Variants in IFT74 observed in about 807,000 individuals in gnomAD.
IFT74 encodes intraflagellar transport protein 74 homolog.
In IFT74, 92 loss-of-function variants were observed where a neutral mutation model predicts 96.7. The observed-to-expected ratio is 0.95, with a 90% CI of 0.80 to 1.13. The LOEUF is 1.13. IFT74 is among the 50% of genes most tolerant of loss of function. The pLI is 0.00. For synonymous variants in IFT74, 223 were observed against 213.2 expected, an observed-to-expected ratio of 1.05 and a Z score of -0.40; for missense variants, 811 against 698.2, an observed-to-expected ratio of 1.16 and a Z score of -1.82.
chr9:27,012,080 T>C, intron 10 of IFT74, 112 bp downstream of exon 10: 3 of 602,158 alleles, frequency 5.0e-6, no homozygotes, highest in Non-Finnish European at 8.2e-6. Flanking sequence ...AGCTTACTAA[T>C]AGGAGTTTAA....
intron 12 of IFT74, among the ~76,000 whole-genome samples, chr9:27,024,974 T>TAA (rs753094409): frequency 0.038 from 4,963 of 130,796 alleles, 108 homozygotes; most frequent in Middle Eastern, 0.064. Context: ...AAAAAAGAAT[T>TAA]AAAAAAAAAA....
intron 16 of IFT74, among the ~76,000 whole-genome samples, chr9:27,053,246 T>C: frequency 1.5e-5 from 2 of 134,084 alleles, no homozygotes; most frequent in African/African-American, 2.8e-5. Flanking sequence ...ATAATGGCCC[T>C]CCAGAGGTCA....
chr9:27,035,755 AATT>A (rs1428916663), intron 13 of IFT74, among the ~76,000 whole-genome samples: 2 of 152,226 alleles, frequency 1.3e-5, no homozygotes, highest in African/African-American at 4.8e-5. Flanking sequence ...AGATAATAAA[AATT>A]ATACAATTTA....
At chr9:27,016,240 T>G (rs1040752574) in intron 10 of IFT74, among the ~76,000 whole-genome samples, 2 of 152,192 alleles carry the variant, frequency 1.3e-5, no homozygotes, top group African/African-American at 2.4e-5. Flanking sequence ...TGATATTGCT[T>G]GACTTGCAGC....
chr9:26,990,155 G>A lies in IFT74; in HGVS notation c.547G>A (p.Glu183Lys). ...YNMLKAQNDR[E>K]TQSLDVIFTE... is the part of the protein sequence containing the mutation. The stretch of plus-strand genomic sequence containing the variant: ...TCAGCTTAAAGCTCAAAATGATCGA[G>A]AAACACAAAGTTTGGATGTCATATT... Residue 183 changes from glutamate to lysine, a missense_variant, in exon 8 of 20, where the codon GAA becomes AAA. Glu to Lys is a moderately conservative substitution (Grantham distance 56). Coordinates refer to ENST00000380062, the MANE Select transcript of IFT74 (RefSeq NM_025103.4). 1 of 1,497,320 alleles carries A rather than the reference G, an allele frequency of 6.7e-7. No individual in the cohort carries two copies. The highest frequency in any genetic ancestry group is 1.5e-5 in the South Asian group (1 of 68,256). 92.8% of individuals were successfully genotyped at this position (1,497,320 alleles called of 1,614,324 possible).
chr9:27,048,363 G>T, intron 16 of IFT74, 89 bp downstream of exon 16: 2 of 926,442 alleles, frequency 2.2e-6, no homozygotes, highest in Non-Finnish European at 3.1e-6. Flanking sequence ...ATTGACAGAG[G>T]CTATAATTTA....
intron 16 of IFT74, among the ~76,000 whole-genome samples, chr9:27,054,053 T>TA (rs1820051556): frequency 6.6e-6 from 1 of 152,236 alleles, no homozygotes; most frequent in South Asian, 2.1e-4. Context: ...TTAAAACTCT[T>TA]AAAGGGATAA....
intron 16 of IFT74, among the ~76,000 whole-genome samples, chr9:27,052,471 G>A (rs984420411): frequency 1.0e-4 from 14 of 139,630 alleles, no homozygotes; most frequent in African/African-American, 3.8e-4. Context: ...TCGCGCCATT[G>A]CACTCCAGCC....
At chr9:26,966,485 T>C (rs555299027) in intron 2 of IFT74, among the ~76,000 whole-genome samples, 33 of 152,262 alleles carry the variant, frequency 2.2e-4, no homozygotes, top group African/African-American at 7.9e-4. Context: ...TTTGAGAAGT[T>C]GTCTATTCAG....
rs201631629 is a variant in IFT74 at position 27,055,632 on chromosome 9, C to T, written c.1357C>T (p.Leu453=). 1.0e-5 allele frequency: 16 copies of T among 1,579,740 alleles called. No homozygotes were observed. The highest frequency in any genetic ancestry group is 1.4e-5 in the African/African-American group (1 of 72,578). The change falls in exon 17 of 20, where the codon CTG becomes TTG. Residue 453 remains leucine, a synonymous_variant. Transcript: ENST00000380062. The part of the protein sequence containing the change: ...TSDIQRLQLD[L]QKMELLESKM... ...AGACATTCAACGTCTGCAGTTGGAT[C>T]TGCAGAAAATGGAGCTTCTAGAAAG...
chr9:26,973,268 G>C (rs1045528521), intron 2 of IFT74, among the ~76,000 whole-genome samples: 1 of 152,174 alleles, frequency 6.6e-6, no homozygotes, highest in Admixed American at 6.5e-5. Flanking sequence ...CTGAAGTCTT[G>C]TACTAATCAG....
At position 26,978,905 on chromosome 9, in the gene IFT74, A is replaced by G. The variant is rs995260521; in HGVS notation, c.256+642A>G. 4.6e-5 allele frequency among the ~76,000 whole-genome samples: 7 copies of G among 152,106 alleles called. No individual in the cohort carries two copies. The East Asian group carries it at 5.8e-4, about 13-fold the overall frequency. ...ATTTAGAGAAGCATAAGAATATACTATATATTAGAGTTTAAAATTTAGATC... is the reference window on the plus strand; with the variant it reads ...ATTTAGAGAAGCATAAGAATATACTGTATATTAGAGTTTAAAATTTAGATC... On this transcript the variant is annotated intron_variant, in intron 3 of 19. Transcript: ENST00000380062.
chr9:26,977,249 G>A (rs1195872358), intron 2 of IFT74, among the ~76,000 whole-genome samples: 1 of 151,950 alleles, frequency 6.6e-6, no homozygotes, highest in Non-Finnish European at 1.5e-5. Flanking sequence ...AAGTAGCTGG[G>A]CCTGTTGGTG....
intron 8 of IFT74, chr9:26,998,393 T>G: frequency 2.1e-6 from 1 of 472,946 alleles, no homozygotes; most frequent in South Asian, 4.7e-5. Flanking sequence ...AGAGCAAATC[T>G]TTTTCTTTAT....
intron 8 of IFT74, among the ~76,000 whole-genome samples, chr9:26,991,606 G>C (rs549179040): frequency 6.6e-6 from 1 of 150,962 alleles, no homozygotes; most frequent in Admixed American, 6.6e-5. Context: ...GGAAAATTTT[G>C]TTCATGGTAA....
intron 13 of IFT74, among the ~76,000 whole-genome samples, chr9:27,038,766 A>G (rs899289747): frequency 1.3e-5 from 2 of 152,208 alleles, no homozygotes; most frequent in Non-Finnish European, 2.9e-5. Flanking sequence ...AGAGTCCTCA[A>G]TTTGGATACT....
chr9:27,030,458 G>A (rs924645806), intron 13 of IFT74, among the ~76,000 whole-genome samples: 5 of 147,352 alleles, frequency 3.4e-5, no homozygotes, highest in Admixed American at 7.0e-5. Flanking sequence ...TGAGGCAGGA[G>A]AATGGCTTGA....
rs113085325 is a variant in IFT74 at position 27,052,179 on chromosome 9, G to A, written c.1334-3430G>A. 5.6e-3 allele frequency among the ~76,000 whole-genome samples: 848 copies of A among 152,160 alleles called. 4 individuals carry two copies. The highest frequency in any genetic ancestry group is 0.019 in the African/African-American group (809 of 41,514). ...ATAATCAAGACTTTGTATTCATTCCGTACTTTATACTTTGTGTTTATAATT... is the reference window on the plus strand; with the variant it reads ...ATAATCAAGACTTTGTATTCATTCCATACTTTATACTTTGTGTTTATAATT... On this transcript the variant is annotated intron_variant, in intron 16 of 19. Transcript: ENST00000380062.
intron 8 of IFT74, chr9:26,995,388 T>G (rs1828089021): frequency 1.6e-6 from 1 of 609,096 alleles, no homozygotes; most frequent in Admixed American, 3.0e-5. Context: ...GAACATAATT[T>G]TATGATATTC....
Sources: gnomAD v4.1 joint callset for allele counts (sites outside exome capture counted in the v4.1 genomes callset) on GRCh38, gnomAD v4.1.1 for gene constraint, MANE v1.5 for transcripts, NCBI Gene and HGNC (gene_info 2026-07-23, HGNC 2026-07-21) for gene names.